Variants in AMER1 observed in about 807,000 individuals in gnomAD.
AMER1 encodes the protein APC membrane recruitment protein 1, also known as RP11-403E24.2.
Under a neutral mutation model 53.0 loss-of-function variants are expected in AMER1, and 16 were observed. That is an observed-to-expected ratio of 0.30 (90% CI 0.20 to 0.46). The LOEUF (loss-of-function observed/expected upper bound fraction) is 0.46, where lower values mean the gene tolerates loss of function less well. Among genes scored for constraint, AMER1 ranks in the 20% least tolerant of loss-of-function variants. The pLI is 1.00. For missense variants in AMER1, 947 were observed against 884.9 expected, an observed-to-expected ratio of 1.07 and a Z score of -0.89; for synonymous variants, 354 against 331.9, an observed-to-expected ratio of 1.07 and a Z score of -0.73.
rs766107486 is a variant in AMER1 at position 64,186,607 on chromosome X, A to C, written c.*3272T>G. The C allele has an allele frequency of 4.7e-5, 36 of 772,795 alleles. No homozygotes were observed. The South Asian group carries it at 2.3e-3, about 50-fold the overall frequency. 63.7% of individuals were successfully genotyped at this position (772,795 alleles called of 1,213,427 possible). On this transcript the variant is annotated 3_prime_UTR_variant, in exon 2 of 2. Coordinates refer to ENST00000374869, the MANE Select transcript of AMER1 (RefSeq NM_152424.4). The stretch of plus-strand genomic sequence containing the variant: ...CTGCTGGCAGCAGGATGAAGGGTAC[A>C]CACCCAGCCTCCTGAGTGTGTGAAG...
At chrX:64,201,463 A>G (rs1930488238) in intron 1 of AMER1, among the ~76,000 whole-genome samples, 1 of 108,249 alleles carries the variant, frequency 9.2e-6, no homozygotes, top group African/African-American at 3.4e-5. Context: ...ACACACACAC[A>G]CACACACACA....
chrX:64,198,358 T>C (rs982146660), intron 1 of AMER1, among the ~76,000 whole-genome samples: 1 of 111,514 alleles, frequency 9.0e-6, no homozygotes, highest in African/African-American at 3.3e-5. Flanking sequence ...TACCCCCCCA[T>C]TTGCCCTCCT....
chrX:64,189,885 G>C lies in AMER1; in HGVS notation c.3402C>G (p.Ala1134=), dbSNP rs2147083801. 1 of 1,052,861 alleles carries C rather than the reference G, an allele frequency of 9.5e-7. No homozygotes were observed. Among genetic ancestry groups the C allele is most frequent in the Non-Finnish European group, 1.2e-6 (1 of 800,856 alleles). 86.8% of individuals were successfully genotyped at this position (1,052,861 alleles called of 1,213,427 possible). ...ACTCCAGAATTGATAATAACTACTT[G>C]GCTAGGTTTCCATTCATGGCAGTGG... is the stretch of plus-strand genomic sequence containing the variant. ...YSSTAMNGNL[A]K Residue 1134 remains alanine (A), a synonymous_variant, in exon 2 of 2, where the codon GCC becomes GCG. Coordinates refer to ENST00000374869, the MANE Select transcript of AMER1 (RefSeq NM_152424.4).
rs2147083767 is a variant in AMER1, at chrX:64,189,864, C to T, written c.*15G>A. On this transcript the variant is annotated 3_prime_UTR_variant, in exon 2 of 2. Coordinates refer to ENST00000374869, the MANE Select transcript of AMER1 (RefSeq NM_152424.4). ...ATGCTCAGGCCCCGTGTCCCTACTCCAGAATTGATAATAACTACTTGGCTA... is the reference window on the plus strand; with the variant it reads ...ATGCTCAGGCCCCGTGTCCCTACTCTAGAATTGATAATAACTACTTGGCTA... 1.7e-6 allele frequency: 2 copies of T among 1,158,301 alleles called. No homozygotes were observed. Among genetic ancestry groups the T allele is most frequent in the South Asian group, 3.6e-5 (2 of 55,434 alleles).
intron 1 of AMER1, among the ~76,000 whole-genome samples, chrX:64,200,146 T>C (rs886542550): frequency 4.4e-5 from 5 of 112,649 alleles, no homozygotes; most frequent in African/African-American, 1.6e-4. Context: ...TAGAGAGAAG[T>C]GTATCTGAAG....
In AMER1 at chrX:64,190,491, G is replaced by A. The variant is rs752517490; in HGVS notation, c.2796C>T (p.Asp932=). 15 of 1,210,089 alleles carry A rather than the reference G, an allele frequency of 1.2e-5. No individual in the cohort carries two copies. Among genetic ancestry groups the A allele is most frequent in the Admixed American group, 2.2e-5 (1 of 45,802 alleles). The change falls in exon 2 of 2, where the codon GAC becomes GAT. Residue 932 remains aspartate (D), a synonymous_variant. Coordinates refer to ENST00000374869, the MANE Select transcript of AMER1 (RefSeq NM_152424.4). ...TCCATTCTCCTTCTTCCTCCTCTTC[G>A]TCCTCCTCATCTGAATCTTCCTGCT... ...QAQQEDSDEE[D]EEEEEGEWSR...
In AMER1 at chrX:64,188,637, G is replaced by A; in HGVS notation, c.*1242C>T. On this transcript the variant is annotated 3_prime_UTR_variant, in exon 2 of 2. Transcript: ENST00000374869. ...TGGGGCCTTATTACAGAGTCCAAAT[G>A]ATGGGATGGGCAAGGCTTAAGGAAC... 11 of 801,502 alleles carry A rather than the reference G, an allele frequency of 1.4e-5. No individual in the cohort carries two copies. In the South Asian group the frequency reaches 6.6e-4, roughly 48 times the overall value. 66.1% of individuals were successfully genotyped at this position (801,502 alleles called of 1,213,427 possible).
rs1323265857 is a variant in AMER1, at chrX:64,187,101, C to G, written c.*2778G>C. On this transcript the variant is annotated 3_prime_UTR_variant, in exon 2 of 2. Coordinates refer to ENST00000374869, the MANE Select transcript of AMER1 (RefSeq NM_152424.4). ...GGTCTGGGGTGTATTTGCTGCCACC[C>G]AAGCCAGCACTAGTCTGTGTTTGGA... 3 of 783,429 alleles carry G rather than the reference C, an allele frequency of 3.8e-6. No homozygotes were observed. The African/African-American group carries it at 6.8e-5, about 18-fold the overall frequency. The allele number at this position is 783,429 out of a possible 1,213,427, so 64.6% of individuals were successfully genotyped here. A position where few individuals can be genotyped will look rare whatever the true frequency, so the allele number is the denominator to read the frequency against.
At position 64,191,095 on chromosome X, in the gene AMER1, T is replaced by C. The variant is rs1602067108; in HGVS notation, c.2192A>G (p.Asp731Gly). Residue 731 changes from aspartate to glycine, a missense_variant, in exon 2 of 2, where the codon GAC becomes GGC. By Grantham distance (94) the Asp-to-Gly change is moderately conservative. Transcript: ENST00000374869. ...LFQSDAMFEP[D>G]MQEANFGGSP... Reference sequence around the variant, plus strand: ...TCCTCCAAAATTTGCTTCTTGCATGTCTGGCTCAAACATGGCATCACTCTG... The same window carrying C: ...TCCTCCAAAATTTGCTTCTTGCATGCCTGGCTCAAACATGGCATCACTCTG... 8.2e-7 allele frequency: 1 copy of C among 1,212,243 alleles called. No homozygotes were observed.
Position 64,192,620 on chromosome X carries a change from C to T in AMER1, c.667G>A (p.Ala223Thr), listed in dbSNP as rs1461828261. Reference sequence around the variant, plus strand: ...GGGTTAGCATTTTCCTTTCTAGGGGCTTGGAAGGTCTCCTCAAAGCAGGGC... The same window carrying T: ...GGGTTAGCATTTTCCTTTCTAGGGGTTTGGAAGGTCTCCTCAAAGCAGGGC... ...QVPCFEETFQ[A>T]PRKENANPQD... Residue 223 changes from alanine to threonine, a missense_variant, in exon 2 of 2, where the codon GCC (alanine) becomes ACC (threonine). Ala to Thr is a moderately conservative substitution (Grantham distance 58). Transcript: ENST00000374869. The T allele has an allele frequency of 2.6e-6, 3 of 1,172,141 alleles. No individual in the cohort carries two copies. The highest frequency in any genetic ancestry group is 2.6e-5 in the Admixed American group (1 of 38,623).
rs778737659 is a variant in AMER1, at chrX:64,192,166, A to G, written c.1121T>C (p.Leu374Ser). The change falls in exon 2 of 2, where the codon TTG becomes TCG. Residue 374 changes from leucine to serine, a missense_variant. Physicochemically the swap from Leu to Ser is moderately radical, Grantham distance 145. Coordinates refer to ENST00000374869, the MANE Select transcript of AMER1 (RefSeq NM_152424.4). ...TTCCTCCTCGTCATCATCATCTGGCAAGGCCATCTCCTCCCCACCTCCTTG... is the reference window on the plus strand; with the variant it reads ...TTCCTCCTCGTCATCATCATCTGGCGAGGCCATCTCCTCCCCACCTCCTTG... Reference protein sequence around the residue: ...TYQGGGEEMALPDDDDEEEEE... With the variant: ...TYQGGGEEMASPDDDDEEEEE... 7 of 1,210,937 alleles carry G rather than the reference A, an allele frequency of 5.8e-6. No homozygotes were observed. Among genetic ancestry groups the G allele is most frequent in the Non-Finnish European group, 7.8e-6 (7 of 895,040 alleles).
Position 64,186,176 on chromosome X carries a change from T to C in AMER1, c.*3703A>G, listed in dbSNP as rs764171341. ...TTGTCTTCAGTACCTGGGCATCTTC[T>C]GCTGTCCCTATCATGGGGGGAGGGA... On this transcript the variant is annotated 3_prime_UTR_variant, in exon 2 of 2. Transcript: ENST00000374869. 1 of 1,210,081 alleles carries C rather than the reference T, an allele frequency of 8.3e-7. No individual in the cohort carries two copies. The highest frequency in any genetic ancestry group is 3.0e-5 in the East Asian group (1 of 33,783).
rs2147089531 is a variant in AMER1, at chrX:64,192,401, C to T, written c.886G>A (p.Gly296Arg). The part of the protein sequence containing the change: ...SPETGEKVVA[G>R]EVNPPNGPVG... ...GGGCCATTGGGTGGGTTTACCTCTC[C>T]TGCTACTACCTTCTCCCCTGTTTCT... Residue 296 changes from glycine to arginine, a missense_variant, in exon 2 of 2, where the codon GGA becomes AGA. By Grantham distance (125) the Gly-to-Arg change is moderately radical. Transcript: ENST00000374869. The T allele has an allele frequency of 8.3e-7, 1 of 1,211,920 alleles. No individual in the cohort carries two copies. The highest frequency in any genetic ancestry group is 1.8e-5 in the South Asian group (1 of 56,861).
Position 64,187,423 on chromosome X carries a change from C to G in AMER1, c.*2456G>C, listed in dbSNP as rs1930131989. On this transcript the variant is annotated 3_prime_UTR_variant, in exon 2 of 2. Coordinates refer to ENST00000374869, the MANE Select transcript of AMER1 (RefSeq NM_152424.4). ...CAGGCCCTACTCTGTGGTGTGTGAC[C>G]TTCCAAAGCCCAACAAAGTGTGTCA... The G allele has an allele frequency of 8.8e-6, 7 of 793,394 alleles. No individual in the cohort carries two copies. The highest frequency in any genetic ancestry group is 1.1e-5 in the Non-Finnish European group (7 of 662,751). The allele number at this position is 793,394 out of a possible 1,213,427, so 65.4% of individuals were successfully genotyped here.
At chrX:64,196,218 G>A (rs968071071) in intron 1 of AMER1, among the ~76,000 whole-genome samples, 2 of 111,457 alleles carry the variant, frequency 1.8e-5, no homozygotes, top group Non-Finnish European at 3.8e-5. Flanking sequence ...ACAGGGCTGG[G>A]GTCCAGGCCA....
In AMER1 at chrX:64,191,385, A is replaced by G. The variant is rs2147087198; in HGVS notation, c.1902T>C (p.Arg634=). 3.3e-6 allele frequency: 4 copies of G among 1,211,037 alleles called. No homozygotes were observed. Among genetic ancestry groups the G allele is most frequent in the Non-Finnish European group, 3.4e-6 (3 of 895,262 alleles). The change falls in exon 2 of 2, where the codon CGT becomes CGC. Residue 634 remains arginine (R), a synonymous_variant. Transcript: ENST00000374869. ...TCTCTCGGACTTGAGTCTCTCTACA[A>G]CGAACCTCTCGGGCCTGGGCTTCTC... is the stretch of plus-strand genomic sequence containing the variant. The part of the protein sequence containing the change: ...RTREAQAREV[R]CRETQVRETQ...
chrX:64,203,970 G>T (rs996020332), intron 1 of AMER1, among the ~76,000 whole-genome samples: 3 of 111,953 alleles, frequency 2.7e-5, no homozygotes, highest in Non-Finnish European at 5.6e-5. Context: ...ACTGGGTCTC[G>T]TTGCCCCTCC....
intron 1 of AMER1, among the ~76,000 whole-genome samples, chrX:64,196,124 G>A (rs770806654): frequency 8.9e-5 from 10 of 112,017 alleles, no homozygotes; most frequent in Non-Finnish European, 1.9e-4. Context: ...TGTGAGGGTA[G>A]AGGCCAGCCC....
Position 64,188,391 on chromosome X carries a change from C to G in AMER1, c.*1488G>C, listed in dbSNP as rs144171633. ...GCCTGTTCCAATGTCTTCCTGACAG[C>G]AAGCTCTTCCCCACCAGTATTTCCA... On this transcript the variant is annotated 3_prime_UTR_variant, in exon 2 of 2. Transcript: ENST00000374869. 3.9e-4 allele frequency: 313 copies of G among 802,866 alleles called. 1 individual carries two copies. The African/African-American group carries it at 6.4e-3, about 16-fold the overall frequency. 66.2% of individuals were successfully genotyped at this position (802,866 alleles called of 1,213,427 possible).
Sources: allele counts gnomAD v4.1 joint callset (sites outside exome capture counted in the v4.1 genomes callset), GRCh38; gene constraint gnomAD v4.1.1; transcripts MANE v1.5; gene names NCBI Gene and HGNC (gene_info 2026-07-23, HGNC 2026-07-21).